CNTNAP5: variants seen among roughly 807,000 people sequenced by gnomAD.
CNTNAP5 encodes the protein contactin-associated protein-like 5.
Under a neutral mutation model 150.2 loss-of-function variants are expected in CNTNAP5, and 72 were observed. That is an observed-to-expected ratio of 0.48 (90% CI 0.40 to 0.58). The LOEUF (loss-of-function observed/expected upper bound fraction) is 0.58. Among genes scored for constraint, CNTNAP5 ranks in the 20% least tolerant of loss-of-function variants. CNTNAP5 has a pLI of 0.00. For synonymous variants in CNTNAP5, 672 were observed against 619.8 expected (o/e 1.08, Z -1.25); for missense variants, 1,636 against 1,626.2 (o/e 1.01, Z -0.10).
chr2:124,758,874 C>T (rs1680897493), intron 14 of CNTNAP5, among the ~76,000 whole-genome samples: 1 of 152,046 alleles, frequency 6.6e-6, no homozygotes, highest in Admixed American at 6.6e-5. Flanking sequence ...ATTGCTCAAG[C>T]CAAGAGAAAG....
rs542924248 is a variant in CNTNAP5, at chr2:124,782,518, A to G, written c.2753-7384A>G. On this transcript the variant is annotated intron_variant, in intron 17 of 23. Transcript: ENST00000682447. Reference sequence around the variant, plus strand: ...GGAGGCTTCAGACCAACCACAAGCCATAGGTAGAAATGGAAAGTGTAAATC... The same window carrying G: ...GGAGGCTTCAGACCAACCACAAGCCGTAGGTAGAAATGGAAAGTGTAAATC... 4.3e-3 allele frequency among the ~76,000 whole-genome samples: 660 copies of G among 152,358 alleles called. 4 individuals are homozygous for G. Among genetic ancestry groups the G allele is most frequent in the Non-Finnish European group, 7.3e-3 (499 of 68,040 alleles).
chr2:124,055,927 G>GCACCAT lies in CNTNAP5; in HGVS notation c.82+30196_82+30197insACCATC, dbSNP rs1217773184. ...CTCTCCCGCACCATCCATGTCCACT[G>GCACCAT]CCATGGCTCTGATTTTGACTCCCTC... On this transcript the variant is annotated intron_variant, in intron 1 of 23. Coordinates refer to ENST00000682447, the MANE Select transcript of CNTNAP5 (RefSeq NM_001367498.1). Among the ~76,000 whole-genome samples, 447 of 152,108 alleles carry GCACCAT rather than the reference G, an allele frequency of 2.9e-3. 4 individuals carry two copies. The highest frequency in any genetic ancestry group is 0.01 in the African/African-American group (433 of 41,496).
intron 11 of CNTNAP5, among the ~76,000 whole-genome samples, chr2:124,582,634 C>T (rs1174698659): frequency 1.3e-5 from 2 of 152,126 alleles, no homozygotes; most frequent in Non-Finnish European, 2.9e-5. Context: ...AGGCTCTGTG[C>T]ACTGAGCTGG....
intron 19 of CNTNAP5, among the ~76,000 whole-genome samples, chr2:124,838,197 T>A (rs1682868947): frequency 6.6e-6 from 1 of 152,166 alleles, no homozygotes; most frequent in Non-Finnish European, 1.5e-5. Flanking sequence ...CTTAAAGTGC[T>A]TAATTCAGCT....
At chr2:124,148,286 G>A (rs113435621) in intron 1 of CNTNAP5, among the ~76,000 whole-genome samples, 1,874 of 149,668 alleles carry the variant, frequency 0.013, 7 homozygotes, top group Non-Finnish European at 0.019. Context: ...GCAACAGAGC[G>A]AGACCCCCTC....
chr2:124,657,420 GTA>G (rs1265152537), intron 13 of CNTNAP5, among the ~76,000 whole-genome samples: 2 of 151,848 alleles, frequency 1.3e-5, no homozygotes, highest in African/African-American at 4.8e-5. Context: ...TCCCCATTCA[GTA>G]TATTCTCCAG....
intron 3 of CNTNAP5, among the ~76,000 whole-genome samples, chr2:124,259,317 T>A (rs536537660): frequency 1.3e-5 from 2 of 152,308 alleles, no homozygotes; most frequent in East Asian, 3.9e-4. Flanking sequence ...GCAATAAACA[T>A]ACATGTGCAT....
chr2:124,133,066 A>C (rs1683893392), intron 1 of CNTNAP5, among the ~76,000 whole-genome samples: 1 of 152,222 alleles, frequency 6.6e-6, no homozygotes, highest in African/African-American at 2.4e-5. Context: ...GTTTACAAAG[A>C]TGGCATGTAA....
At chr2:124,349,590 C>A (rs1176412790) in intron 3 of CNTNAP5, among the ~76,000 whole-genome samples, 1 of 152,162 alleles carries the variant, frequency 6.6e-6, no homozygotes, top group African/African-American at 2.4e-5. Context: ...GTCTAACACA[C>A]CTATAAGAAG....
At chr2:124,718,789 C>CA (rs1359310833) in intron 13 of CNTNAP5, among the ~76,000 whole-genome samples, 2 of 151,866 alleles carry the variant, frequency 1.3e-5, no homozygotes, top group African/African-American at 2.4e-5. Context: ...TAAAAAAACA[C>CA]AAAAAATTAG....
intron 3 of CNTNAP5, among the ~76,000 whole-genome samples, chr2:124,321,948 G>A (rs1462531207): frequency 6.6e-6 from 1 of 151,966 alleles, no homozygotes; most frequent in African/African-American, 2.4e-5. Context: ...TCAGGAGTTC[G>A]AGACCAGCCT....
At chr2:124,592,375 A>ATGTGTGTG (rs10675321) in intron 11 of CNTNAP5, among the ~76,000 whole-genome samples, 140 of 149,836 alleles carry the variant, frequency 9.3e-4, no homozygotes, top group Non-Finnish European at 1.6e-3. Context: ...GTATATATAT[A>ATGTGTGTG]TGTGTGTGTG....
chr2:124,513,540 C>G (rs1015289783), intron 8 of CNTNAP5, among the ~76,000 whole-genome samples: 1 of 152,176 alleles, frequency 6.6e-6, no homozygotes, highest in African/African-American at 2.4e-5. Context: ...GGTCCAACAC[C>G]TTGCTTACCA....
At chr2:124,069,092 A>G (rs1417629529) in intron 1 of CNTNAP5, among the ~76,000 whole-genome samples, 1 of 152,004 alleles carries the variant, frequency 6.6e-6, no homozygotes, top group Non-Finnish European at 1.5e-5. Context: ...ACCTGTCTTG[A>G]GCCAGAGGGG....
At chr2:124,408,353 C>T (rs990999013) in intron 3 of CNTNAP5, among the ~76,000 whole-genome samples, 94 of 152,222 alleles carry the variant, frequency 6.2e-4, no homozygotes, top group African/African-American at 1.3e-3. Flanking sequence ...ACAAAGCAGC[C>T]GGGAAGCTCG....
chr2:124,885,335 C>T (rs1678055755), intron 21 of CNTNAP5, among the ~76,000 whole-genome samples: 1 of 151,974 alleles, frequency 6.6e-6, no homozygotes, highest in South Asian at 2.1e-4. Flanking sequence ...CATACCTTTA[C>T]AGCAGTACTT....
rs1456274537 is a variant in CNTNAP5, at chr2:124,782,603, TTTCATC to T, written c.2753-7297_2753-7292del. On this transcript the variant is annotated intron_variant, in intron 17 of 23. Coordinates refer to ENST00000682447, the MANE Select transcript of CNTNAP5 (RefSeq NM_001367498.1). ...TTTAGTTCAATTGCTCACATTTTTTTTTCATCTGTAGTTTGTAAAATAATCACTGGC... is the reference window on the plus strand; with the variant it reads ...TTTAGTTCAATTGCTCACATTTTTTTTGTAGTTTGTAAAATAATCACTGGC... 1.9e-4 allele frequency among the ~76,000 whole-genome samples: 29 copies of T among 152,278 alleles called. 1 individual carries two copies. The highest frequency in any genetic ancestry group is 3.4e-3 in the Middle Eastern group (1 of 294).
At chr2:124,785,961 C>T (rs114386313) in intron 17 of CNTNAP5, among the ~76,000 whole-genome samples, 1,781 of 152,122 alleles carry the variant, frequency 0.012, 37 homozygotes, top group African/African-American at 0.041. Context: ...ACAAGCTGGC[C>T]GTTGTGGTTC....
intron 2 of CNTNAP5, among the ~76,000 whole-genome samples, chr2:124,239,607 C>T (rs1310274681): frequency 6.6e-6 from 1 of 151,996 alleles, no homozygotes; most frequent in Non-Finnish European, 1.5e-5. Flanking sequence ...TATAAAATCA[C>T]TCATACATTC....
Sources: allele counts gnomAD v4.1 joint callset (sites outside exome capture counted in the v4.1 genomes callset), GRCh38; gene constraint gnomAD v4.1.1; transcripts MANE v1.5; gene names NCBI Gene and HGNC (gene_info 2026-07-23, HGNC 2026-07-21).